Variants in PRRX1 observed in about 807,000 individuals in gnomAD.
PRRX1 encodes paired related homeobox 1.
Under a neutral mutation model 24.0 loss-of-function variants are expected in PRRX1, and 8 were observed. The observed-to-expected ratio is 0.33, with a 90% CI of 0.20 to 0.60. PRRX1 has a LOEUF of 0.60. PRRX1 is among the 20% of genes least tolerant of loss of function. The pLI, the probability that PRRX1 is intolerant of heterozygous loss-of-function variation, is 0.82. For synonymous variants in PRRX1, 160 were observed against 131.7 expected (o/e 1.22, Z -1.47); for missense variants, 281 against 322.4 (o/e 0.87, Z 0.98).
At chr1:170,720,279 AAAAT>A (rs965500527) in intron 2 of PRRX1, among the ~76,000 whole-genome samples, 2 of 152,146 alleles carry the variant, frequency 1.3e-5, no homozygotes, top group South Asian at 2.1e-4. Context: ...CCCTGACTCA[AAAAT>A]AAATAAACAA....
chr1:170,682,322 G>A (rs145928837), intron 1 of PRRX1, among the ~76,000 whole-genome samples: 1 of 92,526 alleles, frequency 1.1e-5, no homozygotes, highest in Non-Finnish European at 2.7e-5. Context: ...ACCCTTGATA[G>A]TATTATCACA....
At chr1:170,697,709 CAT>C (rs1160796946) in intron 1 of PRRX1, among the ~76,000 whole-genome samples, 2 of 146,024 alleles carry the variant, frequency 1.4e-5, no homozygotes, top group Admixed American at 1.4e-4. Context: ...TATCTATACA[CAT>C]ATATAGATAT....
At chr1:170,686,886 T>C (rs1287021265) in intron 1 of PRRX1, among the ~76,000 whole-genome samples, 11 of 152,164 alleles carry the variant, frequency 7.2e-5, no homozygotes, top group African/African-American at 2.4e-5. Context: ...ATAACATTGG[T>C]TGAGTGCCTT....
At chr1:170,696,669 C>A (rs1246987417) in intron 1 of PRRX1, among the ~76,000 whole-genome samples, 2 of 152,180 alleles carry the variant, frequency 1.3e-5, no homozygotes, top group Non-Finnish European at 2.9e-5. Context: ...GGGGCTTACA[C>A]TAAGAGTCTT....
intron 1 of PRRX1, among the ~76,000 whole-genome samples, chr1:170,674,920 A>G (rs1653264492): frequency 6.6e-6 from 1 of 152,162 alleles, no homozygotes; most frequent in Non-Finnish European, 1.5e-5. Context: ...ATTTTCTCTT[A>G]CACTTTTTAC....
chr1:170,695,222 G>C (rs1466219663), intron 1 of PRRX1, among the ~76,000 whole-genome samples: 2 of 152,086 alleles, frequency 1.3e-5, no homozygotes, highest in Non-Finnish European at 2.9e-5. Context: ...GGCAAAATGA[G>C]GAAACTGAAG....
intron 1 of PRRX1, among the ~76,000 whole-genome samples, chr1:170,691,750 G>C (rs1297809578): frequency 6.6e-6 from 1 of 151,136 alleles, no homozygotes; most frequent in Non-Finnish European, 1.5e-5. Flanking sequence ...TATGTGTTGT[G>C]ACAAAGATAG....
chr1:170,686,191 A>AC lies in PRRX1; in HGVS notation c.241+21732_241+21733insC, dbSNP rs1180043269. On this transcript the variant is annotated intron_variant, in intron 1 of 3. Coordinates refer to ENST00000239461, the MANE Select transcript of PRRX1 (RefSeq NM_022716.4). ...TTAGTTAAGGGTACAAAAAAAAAAA[A>AC]AAAACAAGTTGCTATTTACGTTTCA... Among the ~76,000 whole-genome samples the AC allele has an allele frequency of 5.3e-5, 8 of 152,150 alleles. No individual in the cohort carries two copies. In the East Asian group the frequency reaches 1.5e-3, roughly 29 times the overall value.
At chr1:170,715,129 T>C (rs770349204) in intron 1 of PRRX1, among the ~76,000 whole-genome samples, 2 of 152,176 alleles carry the variant, frequency 1.3e-5, no homozygotes, top group Non-Finnish European at 2.9e-5. Context: ...GACTATCCTA[T>C]CTGATAAAGA....
chr1:170,726,098 C>G, intron 2 of PRRX1, 122 bp from the exon 3 acceptor site: 1 of 980,668 alleles, frequency 1.0e-6, no homozygotes. Context: ...CCATAGCCAT[C>G]TTATATCTTC....
intron 1 of PRRX1, among the ~76,000 whole-genome samples, chr1:170,717,434 A>C (rs529439371): frequency 3.7e-4 from 57 of 152,354 alleles, no homozygotes; most frequent in Non-Finnish European, 6.8e-4. Flanking sequence ...TAGGCTTTTG[A>C]AACAACATAA....
chr1:170,725,993 G>A (rs1313616760), intron 2 of PRRX1, among the ~76,000 whole-genome samples: 1 of 152,154 alleles, frequency 6.6e-6, no homozygotes, highest in East Asian at 1.9e-4. Flanking sequence ...GATTACTGGA[G>A]AATTTCATGG....
At chr1:170,709,423 G>A (rs1378747795) in intron 1 of PRRX1, among the ~76,000 whole-genome samples, 1 of 152,302 alleles carries the variant, frequency 6.6e-6, no homozygotes, top group East Asian at 1.9e-4. Context: ...GAGTGATTGG[G>A]TGAGAAATAA....
chr1:170,666,787 G>A (rs903285802), intron 1 of PRRX1, among the ~76,000 whole-genome samples: 4 of 152,162 alleles, frequency 2.6e-5, no homozygotes, highest in Non-Finnish European at 5.9e-5. Context: ...GGCTCTGAGT[G>A]GACGCCACTC....
In PRRX1 at chr1:170,693,864, A is replaced by G. The variant is rs567367026; in HGVS notation, c.242-25862A>G. 1.1e-3 allele frequency among the ~76,000 whole-genome samples: 163 copies of G among 152,244 alleles called. 1 individual carries two copies. The highest frequency in any genetic ancestry group is 1.9e-3 in the Non-Finnish European group (128 of 68,008). On this transcript the variant is annotated intron_variant, in intron 1 of 3. Coordinates refer to ENST00000239461, the MANE Select transcript of PRRX1 (RefSeq NM_022716.4). ...TGTAGCGGCAAGGCAATGGGTCTGC[A>G]TAGTATACAACTCAGGCAAGGTTTG...
At position 170,690,548 on chromosome 1, in the gene PRRX1, G is replaced by A. The variant is rs1028478742; in HGVS notation, c.241+26089G>A. Among the ~76,000 whole-genome samples, 14 of 151,654 alleles carry A rather than the reference G, an allele frequency of 9.2e-5. No individual in the cohort carries two copies. In the East Asian group the frequency reaches 2.5e-3, roughly 27 times the overall value. ...CATTTATTTATAATAATATTCATAA[G>A]CACAATCTATAGCTAACATTACCAG... On this transcript the variant is annotated intron_variant, in intron 1 of 3. Coordinates refer to ENST00000239461, the MANE Select transcript of PRRX1 (RefSeq NM_022716.4).
chr1:170,681,121 T>A (rs1359886989), intron 1 of PRRX1, among the ~76,000 whole-genome samples: 1 of 152,338 alleles, frequency 6.6e-6, no homozygotes, highest in African/African-American at 2.4e-5. Flanking sequence ...TTGAGTACCA[T>A]AATGGATCAG....
At chr1:170,689,734 G>A (rs969695520) in intron 1 of PRRX1, among the ~76,000 whole-genome samples, 1 of 151,902 alleles carries the variant, frequency 6.6e-6, no homozygotes, top group African/African-American at 2.4e-5. Context: ...GAGTGAGGTG[G>A]GGAGTGCATG....
intron 3 of PRRX1, among the ~76,000 whole-genome samples, chr1:170,732,567 T>C (rs1241133068): frequency 2.0e-5 from 3 of 152,192 alleles, no homozygotes; most frequent in Non-Finnish European, 4.4e-5. Flanking sequence ...ATTGAGAAGC[T>C]AGATCCATGT....
Sources: gnomAD v4.1 joint callset for allele counts (sites outside exome capture counted in the v4.1 genomes callset) on GRCh38, gnomAD v4.1.1 for gene constraint, MANE v1.5 for transcripts, NCBI Gene and HGNC (gene_info 2026-07-23, HGNC 2026-07-21) for gene names.